The following SLC4A10 variants were observed in gnomAD, a reference collection of about 807,000 sequenced individuals.
The protein encoded by SLC4A10 is solute carrier family 4 member 10.
A neutral mutation model predicts 137.7 loss-of-function variants in SLC4A10; 42 were observed. That is an observed-to-expected ratio of 0.30 (90% CI 0.24 to 0.39). SLC4A10 has a LOEUF of 0.39. Ranked by LOEUF, SLC4A10 falls within the 10% of genes least tolerant of loss-of-function variation. SLC4A10 has a pLI of 1.00. For synonymous variants in SLC4A10, 474 were observed against 464.1 expected, an observed-to-expected ratio of 1.02 and a Z score of -0.27; for missense variants, 925 against 1,355.0, an observed-to-expected ratio of 0.68 and a Z score of 4.98.
At chr2:161,635,591 T>C (rs2034278702) in intron 1 of SLC4A10, among the ~76,000 whole-genome samples, 1 of 152,174 alleles carries the variant, frequency 6.6e-6, no homozygotes, top group Non-Finnish European at 1.5e-5. Flanking sequence ...TCATCTCTTT[T>C]GCAATTCATC....
intron 1 of SLC4A10, among the ~76,000 whole-genome samples, chr2:161,660,538 G>T (rs1402007312): frequency 6.6e-6 from 1 of 150,516 alleles, no homozygotes; most frequent in Admixed American, 6.6e-5. Context: ...TACATTAATA[G>T]TTTGTGTACT....
Position 161,723,837 on chromosome 2 carries a change from T to A in SLC4A10, c.49-47136T>A, listed in dbSNP as rs550543748. On this transcript the variant is annotated intron_variant, in intron 1 of 26. Coordinates refer to ENST00000446997, the MANE Select transcript of SLC4A10 (RefSeq NM_001178015.2). ...AGCAGACAATGTTGAGAATTGCTGC[T>A]TTACATACTGATGACTTCCATATCT... 7.2e-5 allele frequency among the ~76,000 whole-genome samples: 11 copies of A among 152,346 alleles called. No individual in the cohort carries two copies. The South Asian group carries it at 2.1e-3, about 29-fold the overall frequency.
intron 8 of SLC4A10, among the ~76,000 whole-genome samples, chr2:161,875,569 A>T (rs2061410329): frequency 6.6e-6 from 1 of 152,220 alleles, no homozygotes. Context: ...TAATACTTTT[A>T]AAAAGCAGAT....
At chr2:161,708,724 G>C (rs1400396523) in intron 1 of SLC4A10, 1 of 1,529,260 alleles carries the variant, frequency 6.5e-7, no homozygotes. Context: ...AGAGATGGCT[G>C]TGATTATCTT....
intron 11 of SLC4A10, among the ~76,000 whole-genome samples, chr2:161,898,803 C>G (rs1220574552): frequency 2.6e-5 from 4 of 152,102 alleles, no homozygotes; most frequent in Non-Finnish European, 5.9e-5. Context: ...GAAGCTGAAG[C>G]TGAAGGAAAA....
intron 1 of SLC4A10, among the ~76,000 whole-genome samples, chr2:161,638,666 T>G (rs2034817092): frequency 6.6e-6 from 1 of 152,084 alleles, no homozygotes; most frequent in Non-Finnish European, 1.5e-5. Context: ...AGACTGTCAT[T>G]GGTATTTTGA....
At chr2:161,727,907 T>C (rs1412464838) in intron 1 of SLC4A10, among the ~76,000 whole-genome samples, 2 of 152,058 alleles carry the variant, frequency 1.3e-5, no homozygotes, top group Admixed American at 6.6e-5. Flanking sequence ...GCATAATAAA[T>C]AAAAATAGTA....
At chr2:161,873,841 C>T (rs1438895711) in intron 7 of SLC4A10, 75 bp from the exon 8 acceptor site, 8 of 1,421,640 alleles carry the variant, frequency 5.6e-6, no homozygotes, top group Non-Finnish European at 7.7e-6. Context: ...TACGTGCATG[C>T]TCTCCCTCTG....
intron 10 of SLC4A10, among the ~76,000 whole-genome samples, chr2:161,886,086 CA>C (rs1265442784): frequency 6.6e-6 from 1 of 152,086 alleles, no homozygotes; most frequent in Non-Finnish European, 1.5e-5. Context: ...GCAATAGAGC[CA>C]GACCTTGTCT....
At chr2:161,946,693 GA>G (rs1693872744) in intron 16 of SLC4A10, among the ~76,000 whole-genome samples, 1 of 136,960 alleles carries the variant, frequency 7.3e-6, no homozygotes, top group Non-Finnish European at 1.7e-5. Context: ...GTTTTTCCTG[GA>G]GGAAAAAAAT....
chr2:161,737,596 AT>A, intron 1 of SLC4A10, among the ~76,000 whole-genome samples: 1 of 152,126 alleles, frequency 6.6e-6, no homozygotes, highest in East Asian at 1.9e-4. Context: ...GCATTCCTTC[AT>A]GGGCCTAATT....
intron 2 of SLC4A10, among the ~76,000 whole-genome samples, chr2:161,773,398 C>A (rs2051908386): frequency 6.6e-6 from 1 of 151,794 alleles, no homozygotes; most frequent in Admixed American, 6.6e-5. Context: ...TAGTATCCTC[C>A]TTTTTTGCAA....
At chr2:161,899,144 G>T (rs527734477) in intron 11 of SLC4A10, among the ~76,000 whole-genome samples, 2 of 152,052 alleles carry the variant, frequency 1.3e-5, no homozygotes, top group Non-Finnish European at 2.9e-5. Context: ...GCACTAGAAA[G>T]AACCTATCTC....
intron 1 of SLC4A10, among the ~76,000 whole-genome samples, chr2:161,637,080 C>T (rs983517523): frequency 5.7e-5 from 7 of 122,920 alleles, no homozygotes; most frequent in South Asian, 2.5e-4. Context: ...TACATAAATA[C>T]GTATATACAT....
Position 161,950,187 on chromosome 2 carries a change from A to T in SLC4A10, c.2380-500A>T, listed in dbSNP as rs1025286764. 2.6e-5 allele frequency among the ~76,000 whole-genome samples: 4 copies of T among 152,160 alleles called. No homozygotes were observed. The East Asian group carries it at 7.7e-4, about 29-fold the overall frequency. On this transcript the variant is annotated intron_variant, in intron 18 of 26. Coordinates refer to ENST00000446997, the MANE Select transcript of SLC4A10 (RefSeq NM_001178015.2). ...TACCATAATGATGTATTTTGTTTAG[A>T]TGTCTGTCTCTGATTCTAAACTGAA...
chr2:161,852,324 A>G (rs1384945705), intron 4 of SLC4A10, among the ~76,000 whole-genome samples: 1 of 152,216 alleles, frequency 6.6e-6, no homozygotes, highest in African/African-American at 2.4e-5. Flanking sequence ...ACACCAGCAT[A>G]CATGCTATTA....
At chr2:161,640,586 CTCTT>C (rs1207442606) in intron 1 of SLC4A10, among the ~76,000 whole-genome samples, 8 of 149,832 alleles carry the variant, frequency 5.3e-5, no homozygotes, top group African/African-American at 9.9e-5. Context: ...AGTAAGCTTT[CTCTT>C]TCTTTCCTTC....
intron 1 of SLC4A10, chr2:161,710,715 T>C: frequency 2.2e-6 from 1 of 455,632 alleles, no homozygotes. Context: ...TATACTATTT[T>C]ACATGCATTT....
intron 2 of SLC4A10, among the ~76,000 whole-genome samples, chr2:161,783,958 G>T (rs538606552): frequency 1.5e-4 from 23 of 151,936 alleles, no homozygotes; most frequent in Admixed American, 2.6e-4. Flanking sequence ...TAGGGTGGTT[G>T]AATGGATTAA....
Sources: allele counts gnomAD v4.1 joint callset (sites outside exome capture counted in the v4.1 genomes callset), GRCh38; gene constraint gnomAD v4.1.1; transcripts MANE v1.5; gene names NCBI Gene and HGNC (gene_info 2026-07-23, HGNC 2026-07-21).